Variants in MIGA2 observed in about 807,000 individuals in gnomAD.
MIGA2 encodes family with sequence similarity 73, member B.
In MIGA2, 36 loss-of-function variants were observed where a neutral mutation model predicts 69.9. The observed-to-expected ratio is 0.52, with a 90% CI of 0.39 to 0.68. The LOEUF is 0.68. Ranked by LOEUF, MIGA2 falls within the 30% of genes least tolerant of loss-of-function variation. The pLI is 0.00. For missense variants in MIGA2, 660 were observed against 787.7 expected, an observed-to-expected ratio of 0.84 and a Z score of 1.94; for synonymous variants, 333 against 349.2, an observed-to-expected ratio of 0.95 and a Z score of 0.52.
chr9:129,044,024 G>A (rs559141552), intron 3 of MIGA2, among the ~76,000 whole-genome samples: 3 of 137,366 alleles, frequency 2.2e-5, no homozygotes, highest in South Asian at 2.3e-4. Context: ...ACAGAGTTTC[G>A]CTTGTGTTTC....
rs552160017 is a variant in MIGA2, at chr9:129,048,937, C to G, written c.420+398C>G. On this transcript the variant is annotated intron_variant, in intron 4 of 15. Coordinates refer to ENST00000684074, the MANE Select transcript of MIGA2 (RefSeq NM_001329990.2). ...ATTCACTCATCCAGCAAGCAGAGTC[C>G]CAGCTATGAGCCAGGCTGGCACAGG... 3.3e-5 allele frequency among the ~76,000 whole-genome samples: 5 copies of G among 152,254 alleles called. No homozygotes were observed. The East Asian group carries it at 9.7e-4, about 29-fold the overall frequency.
chr9:129,070,146 G>T, intron 15 of MIGA2, 101 bp from the exon 16 acceptor site: 1 of 1,406,416 alleles, frequency 7.1e-7, no homozygotes, highest in Non-Finnish European at 9.9e-7. Flanking sequence ...GGAAAGGACC[G>T]GCTGGGGCTC....
intron 4 of MIGA2, 81 bp downstream of exon 4, chr9:129,048,620 G>C (rs1383434170): frequency 2.1e-5 from 22 of 1,053,860 alleles, no homozygotes; most frequent in Non-Finnish European, 2.9e-5. Flanking sequence ...CAAGCTTATA[G>C]ACTGGTAGAG....
rs771911192 is a variant in MIGA2 at position 129,068,453 on chromosome 9, C to A, written c.1404+121C>A. The A allele has an allele frequency of 2.1e-6, 3 of 1,402,848 alleles. No individual in the cohort carries two copies. Among genetic ancestry groups the A allele is most frequent in the African/African-American group, 1.4e-5 (1 of 70,144 alleles). The allele number at this position is 1,402,848 out of a possible 1,614,324, so 86.9% of individuals were successfully genotyped here. A position where few individuals can be genotyped will look rare whatever the true frequency, so the allele number is the denominator to read the frequency against. On this transcript the variant is annotated intron_variant, in intron 13 of 15. Coordinates refer to ENST00000684074, the MANE Select transcript of MIGA2 (RefSeq NM_001329990.2). The surrounding 1 kb of genome is among the most constrained non-coding windows in gnomAD (Gnocchi z 4.1). Reference sequence around the variant, plus strand: ...GCTGGGCCCCCACCCCCTAGATCCGCGGCTGCCAGGCCTGGGAGACCAGAG... The same window carrying A: ...GCTGGGCCCCCACCCCCTAGATCCGAGGCTGCCAGGCCTGGGAGACCAGAG...
Position 129,049,514 on chromosome 9 carries a change from G to A in MIGA2, c.538+16G>A. 1 of 1,610,772 alleles carries A rather than the reference G, an allele frequency of 6.2e-7. No homozygotes were observed. The highest frequency in any genetic ancestry group is 1.7e-4 in the Middle Eastern group (1 of 6,052). The stretch of plus-strand genomic sequence containing the variant: ...TACATGCAAGGTGTGGCCAGGAGGT[G>A]CCTCAGCTTCGAGGGCAGGGTGGGT... On this transcript the variant is annotated intron_variant, in intron 5 of 15. Transcript: ENST00000684074.
intron 11 of MIGA2, among the ~76,000 whole-genome samples, chr9:129,064,241 C>T (rs976220768): frequency 1.3e-5 from 2 of 151,420 alleles, no homozygotes; most frequent in Admixed American, 1.3e-4. Context: ...GAGTCTCGCT[C>T]TCTCGCCCAG....
intron 6 of MIGA2, 115 bp downstream of exon 6, chr9:129,050,078 C>A: frequency 7.3e-7 from 1 of 1,361,676 alleles, no homozygotes; most frequent in Non-Finnish European, 1.0e-6. Context: ...TGCTGATTTC[C>A]CTCTATGAGG....
In MIGA2 at chr9:129,056,843, G is replaced by A. The variant is rs900330276; in HGVS notation, c.676-2311G>A. On this transcript the variant is annotated intron_variant, in intron 6 of 15. Transcript: ENST00000684074. ...GAGCTCAGGAGTTCAAAACCAGCCTGGGCAACATGGTGAAACCCCACCTTT... is the reference window on the plus strand; with the variant it reads ...GAGCTCAGGAGTTCAAAACCAGCCTAGGCAACATGGTGAAACCCCACCTTT... 3.9e-5 allele frequency among the ~76,000 whole-genome samples: 6 copies of A among 152,050 alleles called. No individual in the cohort carries two copies. In the South Asian group the frequency reaches 8.3e-4, roughly 21 times the overall value.
chr9:129,044,437 T>A (rs911740879), intron 3 of MIGA2, among the ~76,000 whole-genome samples: 1 of 152,202 alleles, frequency 6.6e-6, no homozygotes, highest in Non-Finnish European at 1.5e-5. Context: ...ATTTTGTGGC[T>A]GCTGCTGTGG....
chr9:129,068,808 G>A lies in MIGA2; in HGVS notation c.1405-268G>A. ...ATTGCTCCCACAACCACCAAAGGAG[G>A]TGGGAGTGCTGTGTTGTGCCCCTTT... On this transcript the variant is annotated intron_variant, in intron 13 of 15. Transcript: ENST00000684074. The surrounding 1 kb of genome is among the most constrained non-coding windows in gnomAD (Gnocchi z 4.1). 3.8e-6 allele frequency: 2 copies of A among 521,180 alleles called. No homozygotes were observed. The highest frequency in any genetic ancestry group is 7.0e-6 in the Non-Finnish European group (2 of 287,586). 32.3% of individuals were successfully genotyped at this position (521,180 alleles called of 1,614,324 possible).
chr9:129,055,381 T>G (rs1402633960), intron 6 of MIGA2, among the ~76,000 whole-genome samples: 1 of 151,934 alleles, frequency 6.6e-6, no homozygotes, highest in Non-Finnish European at 1.5e-5. Context: ...CCCAGCCAAT[T>G]TGTGTATATT....
Position 129,071,606 on chromosome 9 carries a change from C to G in MIGA2, c.*1153C>G, listed in dbSNP as rs1435131233. ...CACTCAGGAGGTCAGAGGACTGGCT[C>G]CTGTGACCAGGGCCCCTCTCCCCTG... On this transcript the variant is annotated 3_prime_UTR_variant, in exon 16 of 16. Transcript: ENST00000684074. The G allele has an allele frequency of 1.3e-5, 2 of 152,132 alleles. No individual in the cohort carries two copies. The highest frequency in any genetic ancestry group is 2.9e-5 in the Non-Finnish European group (2 of 68,018). 9.4% of individuals were successfully genotyped at this position (152,132 alleles called of 1,614,324 possible).
At chr9:129,046,425 A>G (rs1383937417) in intron 3 of MIGA2, among the ~76,000 whole-genome samples, 1 of 149,394 alleles carries the variant, frequency 6.7e-6, no homozygotes, top group African/African-American at 2.5e-5. Flanking sequence ...GGAGTTTGAG[A>G]CCAGCCTGGG....
chr9:129,069,213 C>A lies in MIGA2; in HGVS notation c.1458+84C>A. Reference sequence around the variant, plus strand: ...AGCGGAGCGGGTGCAGGGTGGCTCGCTGGGCCACTTGGCCTTCACCGCTCA... The same window carrying A: ...AGCGGAGCGGGTGCAGGGTGGCTCGATGGGCCACTTGGCCTTCACCGCTCA... On this transcript the variant is annotated intron_variant, in intron 14 of 15. Coordinates refer to ENST00000684074, the MANE Select transcript of MIGA2 (RefSeq NM_001329990.2). The surrounding 1 kb of genome is among the most constrained non-coding windows in gnomAD (Gnocchi z 4.9). 1 of 1,548,708 alleles carries A rather than the reference C, an allele frequency of 6.5e-7. No individual in the cohort carries two copies. The highest frequency in any genetic ancestry group is 8.9e-7 in the Non-Finnish European group (1 of 1,126,166).
chr9:129,059,090 G>A lies in MIGA2; in HGVS notation c.676-64G>A, dbSNP rs546771982. 2 of 1,469,446 alleles carry A rather than the reference G, an allele frequency of 1.4e-6. No individual in the cohort carries two copies. The highest frequency in any genetic ancestry group is 3.4e-5 in the Admixed American group (2 of 59,002). 91.0% of individuals were successfully genotyped at this position (1,469,446 alleles called of 1,614,324 possible). ...CTTTCCCCAGGGACCTGGGGGTGAGGGAAGGGGCCATTTTCATCGGGAGCT... is the reference window on the plus strand; with the variant it reads ...CTTTCCCCAGGGACCTGGGGGTGAGAGAAGGGGCCATTTTCATCGGGAGCT... On this transcript the variant is annotated intron_variant, in intron 6 of 15. Coordinates refer to ENST00000684074, the MANE Select transcript of MIGA2 (RefSeq NM_001329990.2). This position sits in a 1 kb window ranked among gnomAD's most constrained non-coding sequence, Gnocchi z 5.6.
Position 129,041,024 on chromosome 9 carries a change from C to G in MIGA2, c.96+334C>G, listed in dbSNP as rs573555815. 3.3e-5 allele frequency among the ~76,000 whole-genome samples: 5 copies of G among 152,170 alleles called. No individual in the cohort carries two copies. In the East Asian group the frequency reaches 9.7e-4, roughly 29 times the overall value. ...TGGCCAACATGGTGAAACCCTGTCT[C>G]TACTAAAAATACAAAAATTAGGCGG... is the stretch of plus-strand genomic sequence containing the variant. On this transcript the variant is annotated intron_variant, in intron 2 of 15. Coordinates refer to ENST00000684074, the MANE Select transcript of MIGA2 (RefSeq NM_001329990.2).
intron 3 of MIGA2, among the ~76,000 whole-genome samples, chr9:129,047,713 TA>T (rs1471543792): frequency 6.6e-6 from 1 of 151,750 alleles, no homozygotes; most frequent in Non-Finnish European, 1.5e-5. Context: ...CAGCCCATCC[TA>T]AAAAAATTTA....
At chr9:129,038,243 C>T (rs1588359249) in intron 1 of MIGA2, among the ~76,000 whole-genome samples, 1 of 152,210 alleles carries the variant, frequency 6.6e-6, no homozygotes, top group African/African-American at 2.4e-5. Context: ...TCACACACCC[C>T]CACCAGCCCT....
intron 9 of MIGA2, among the ~76,000 whole-genome samples, chr9:129,062,547 A>G (rs920935755): frequency 5.3e-5 from 8 of 150,196 alleles, no homozygotes; most frequent in Non-Finnish European, 1.2e-4. Flanking sequence ...AAAAAAAAAA[A>G]AAGCAAAAAA....
Sources: gnomAD v4.1 joint callset for allele counts (sites outside exome capture counted in the v4.1 genomes callset) on GRCh38, gnomAD v4.1.1 for gene constraint, Gnocchi (gnomAD v3.1) non-coding constraint, MANE v1.5 for transcripts, NCBI Gene and HGNC (gene_info 2026-07-23, HGNC 2026-07-21) for gene names.